KHDC1: variants seen among roughly 807,000 people sequenced by gnomAD.
KHDC1 encodes KH domain containing 1.
Under a neutral mutation model 24.7 loss-of-function variants are expected in KHDC1, and 21 were observed. That is an observed-to-expected ratio of 0.85 (90% confidence interval 0.60 to 1.23). The LOEUF (loss-of-function observed/expected upper bound fraction) is 1.23, where lower values mean the gene tolerates loss of function less well. Ranked by LOEUF, KHDC1 falls within the 50% of genes most tolerant of loss-of-function variation. The pLI is 0.00. For missense variants in KHDC1, 274 were observed against 298.5 expected (o/e 0.92, Z 0.61); for synonymous variants, 98 against 111.7 (o/e 0.88, Z 0.77).
exon 1 of KHDC1, chr6:73,309,994 G>C: frequency 2.5e-6 from 1 of 398,452 alleles, no homozygotes; most frequent in Non-Finnish European, 4.5e-6. Context: ...ACCAAACAAC[G>C]GTGATAACAT....
chr6:73,297,025 C>A (rs1192809310), intron 1 of KHDC1, among the ~76,000 whole-genome samples: 1 of 152,116 alleles, frequency 6.6e-6, no homozygotes, highest in Non-Finnish European at 1.5e-5. Flanking sequence ...CTCAGCCTCC[C>A]AAGTAGCTGA....
chr6:73,264,489 C>T (rs1767046648), intron 2 of KHDC1, among the ~76,000 whole-genome samples: 1 of 152,184 alleles, frequency 6.6e-6, no homozygotes, highest in Non-Finnish European at 1.5e-5. Context: ...TGGCCCCACC[C>T]TTGATGAAGA....
chr6:73,246,046 G>A (rs1766659184), intron 2 of KHDC1, among the ~76,000 whole-genome samples: 1 of 152,140 alleles, frequency 6.6e-6, no homozygotes. Flanking sequence ...TTGGGTAATA[G>A]CAAAGCTTCT....
At chr6:73,290,127 A>AAAG (rs61704856) in intron 2 of KHDC1, among the ~76,000 whole-genome samples, 4 of 149,264 alleles carry the variant, frequency 2.7e-5, no homozygotes, top group African/African-American at 9.8e-5. Flanking sequence ...AAAAAAAAAA[A>AAAG]TTAGCCAGGC....
intron 2 of KHDC1, among the ~76,000 whole-genome samples, chr6:73,251,890 C>A (rs1010541037): frequency 6.6e-6 from 1 of 151,278 alleles, no homozygotes. Context: ...CTCAGCCTCC[C>A]GGGCTCATTC....
intron 1 of KHDC1, among the ~76,000 whole-genome samples, chr6:73,298,816 C>T (rs928218055): frequency 2.6e-5 from 4 of 152,132 alleles, no homozygotes; most frequent in African/African-American, 7.2e-5. Context: ...TAGCTCACTG[C>T]AGCCTCCAAC....
intron 2 of KHDC1, among the ~76,000 whole-genome samples, chr6:73,279,572 T>G (rs1767365598): frequency 7.0e-6 from 1 of 142,740 alleles, no homozygotes. Context: ...CATGGGACCA[T>G]GGATTTTTTT....
In KHDC1 at chr6:73,249,939, G is replaced by A. The variant is rs538030236; in HGVS notation, c.207-7409C>T. Among the ~76,000 whole-genome samples the A allele has an allele frequency of 2.9e-4, 44 of 152,068 alleles. No individual in the cohort carries two copies. The South Asian group carries it at 7.5e-3, about 26-fold the overall frequency. ...CTGATGGTAGAGTACTTAAAAAGCA[G>A]GAATATGTTAACAAATATGCACTCA... On this transcript the variant is annotated intron_variant, in intron 2 of 4. Transcript: ENST00000370384.
intron 1 of KHDC1, among the ~76,000 whole-genome samples, chr6:73,308,045 G>A (rs1167555544): frequency 2.0e-5 from 3 of 151,154 alleles, no homozygotes; most frequent in African/African-American, 4.9e-5. Context: ...TGGGATTACA[G>A]GCACCGCACC....
chr6:73,283,177 A>C (rs181529734), intron 2 of KHDC1, among the ~76,000 whole-genome samples: 11 of 152,344 alleles, frequency 7.2e-5, no homozygotes, highest in Non-Finnish European at 1.5e-4. Flanking sequence ...CGTATAGCTC[A>C]CATTTAATGA....
chr6:73,263,699 C>T (rs1257990779), intron 2 of KHDC1, among the ~76,000 whole-genome samples: 1 of 152,048 alleles, frequency 6.6e-6, no homozygotes, highest in Non-Finnish European at 1.5e-5. Context: ...CGCATCACAC[C>T]GTGGTGTATT....
chr6:73,272,565 C>A (rs537635312), intron 2 of KHDC1, among the ~76,000 whole-genome samples: 1 of 151,934 alleles, frequency 6.6e-6, no homozygotes, highest in Non-Finnish European at 1.5e-5. Flanking sequence ...CACTTCAGAT[C>A]GGAGTTCCAG....
At chr6:73,287,261 G>C (rs1767539855) in intron 2 of KHDC1, among the ~76,000 whole-genome samples, 1 of 152,110 alleles carries the variant, frequency 6.6e-6, no homozygotes, top group African/African-American at 2.4e-5. Context: ...GTCTCTAATA[G>C]CAATTGCGAT....
chr6:73,242,049 A>G lies in KHDC1; in HGVS notation c.514+6T>C. 6.2e-7 allele frequency: 1 copy of G among 1,607,962 alleles called. No homozygotes were observed. Among genetic ancestry groups the G allele is most frequent in the Non-Finnish European group, 8.5e-7 (1 of 1,176,850 alleles). On this transcript the variant is annotated splice_donor_region_variant and intron_variant, in intron 4 of 4. Coordinates refer to ENST00000370384, the Ensembl canonical transcript of KHDC1. Reference sequence around the variant, plus strand: ...CTAAAACCACAGTTCAGCCAAGGATACCTACCTCGAGCATGATGATAGGAG... The same window carrying G: ...CTAAAACCACAGTTCAGCCAAGGATGCCTACCTCGAGCATGATGATAGGAG...
chr6:73,289,594 G>A (rs917055487), intron 2 of KHDC1, among the ~76,000 whole-genome samples: 2 of 148,820 alleles, frequency 1.3e-5, no homozygotes, highest in East Asian at 4.0e-4. Flanking sequence ...AGGTTGCAGT[G>A]AGCCATGATC....
upstream of KHDC1, chr6:73,310,306 C>T (rs150406228): frequency 3.9e-5 from 6 of 153,364 alleles, no homozygotes; most frequent in East Asian, 9.6e-4. Context: ...GACTTTTTAC[C>T]GTTCAGGGAT....
chr6:73,241,985 A>C, intron 4 of KHDC1, 70 bp downstream of exon 3: 2 of 1,491,490 alleles, frequency 1.3e-6, no homozygotes, highest in Non-Finnish European at 1.8e-6. Context: ...TCAAGAATCC[A>C]AGATGCTACA....
At chr6:73,300,543 G>A (rs1767854584) in intron 1 of KHDC1, 1 of 152,012 alleles carries the variant, frequency 6.6e-6, no homozygotes, top group Non-Finnish European at 1.5e-5. Context: ...ACCACCACTA[G>A]ACTATGAACT....
At chr6:73,306,081 A>T (rs1767956958) in intron 1 of KHDC1, among the ~76,000 whole-genome samples, 1 of 152,218 alleles carries the variant, frequency 6.6e-6, no homozygotes, top group African/African-American at 2.4e-5. Context: ...TAGTAGTCAT[A>T]AATTAAGTAA....
Sources: gnomAD v4.1 joint callset for allele counts (sites outside exome capture counted in the v4.1 genomes callset) on GRCh38, gnomAD v4.1.1 for gene constraint, MANE v1.5 for transcripts, NCBI Gene and HGNC (gene_info 2026-07-23, HGNC 2026-07-21) for gene names.